SLCO5A1: variants seen among roughly 807,000 people sequenced by gnomAD.
The protein encoded by SLCO5A1 is solute carrier organic anion transporter family member 5A1, also known as organic anion transporter polypeptide-related protein 4.
A neutral mutation model predicts 65.1 loss-of-function variants in SLCO5A1; 39 were observed. The observed-to-expected ratio is 0.60, with a 90% CI of 0.46 to 0.78. The LOEUF is 0.78. Ranked by LOEUF, SLCO5A1 falls within the 30% of genes least tolerant of loss-of-function variation. The pLI is 0.00. For synonymous variants in SLCO5A1, 438 were observed against 415.7 expected (o/e 1.05, Z -0.65); for missense variants, 1,029 against 1,069.4 (o/e 0.96, Z 0.53).
rs1821241955 is a variant in SLCO5A1, at chr8:69,832,983, G to A, written c.-310C>T. The A allele has an allele frequency of 5.3e-6, 2 of 380,556 alleles. No individual in the cohort carries two copies. Among genetic ancestry groups the A allele is most frequent in the South Asian group, 9.2e-5 (2 of 21,856 alleles). 23.6% of individuals were successfully genotyped at this position (380,556 alleles called of 1,614,324 possible). A position where few individuals can be genotyped will look rare whatever the true frequency, so the allele number is the denominator to read the frequency against. On this transcript the variant is annotated 5_prime_UTR_variant, in exon 2 of 10. Coordinates refer to ENST00000260126, the MANE Select transcript of SLCO5A1 (RefSeq NM_030958.3). The surrounding 1 kb of genome is among the most constrained non-coding windows in gnomAD (Gnocchi z 4.5). ...TGAGGCAGGCGCCTCGCGCGTCCCGGGCTCATCCCCTCCGCCGCCGCCGCC... is the reference window on the plus strand; with the variant it reads ...TGAGGCAGGCGCCTCGCGCGTCCCGAGCTCATCCCCTCCGCCGCCGCCGCC...
intron 2 of SLCO5A1, among the ~76,000 whole-genome samples, chr8:69,824,418 G>C (rs1820779928): frequency 6.6e-6 from 1 of 152,068 alleles, no homozygotes; most frequent in South Asian, 2.1e-4. Flanking sequence ...GAATCAAATA[G>C]ATGCAATAAA....
rs766131123 is a variant in SLCO5A1, at chr8:69,682,164, A to C, written c.1782+20T>G. ...CAGGATGTTGGACTAACAGAAGAGGAACTTGTGAAATATACTCACCCCAGT... is the reference window on the plus strand; with the variant it reads ...CAGGATGTTGGACTAACAGAAGAGGCACTTGTGAAATATACTCACCCCAGT... On this transcript the variant is annotated intron_variant, in intron 7 of 9. Coordinates refer to ENST00000260126, the MANE Select transcript of SLCO5A1 (RefSeq NM_030958.3). 1.3e-6 allele frequency: 2 copies of C among 1,594,902 alleles called. No homozygotes were observed. Among genetic ancestry groups the C allele is most frequent in the Admixed American group, 1.8e-5 (1 of 56,150 alleles).
At chr8:69,826,193 G>T (rs1563378357) in intron 2 of SLCO5A1, among the ~76,000 whole-genome samples, 2 of 151,934 alleles carry the variant, frequency 1.3e-5, no homozygotes. Context: ...GAAAACCTAG[G>T]CATTACCATT....
chr8:69,766,416 G>T (rs1211347197), intron 2 of SLCO5A1, among the ~76,000 whole-genome samples: 1 of 152,016 alleles, frequency 6.6e-6, no homozygotes, highest in African/African-American at 2.4e-5. Context: ...TGTTCCCTAG[G>T]CTCCAGTCAT....
intron 2 of SLCO5A1, 65 bp from the exon 3 acceptor site, chr8:69,761,940 A>G: frequency 6.4e-7 from 1 of 1,574,108 alleles, no homozygotes; most frequent in Non-Finnish European, 8.6e-7. Context: ...GAGTTCTCTC[A>G]TTTCACTCTC....
intron 2 of SLCO5A1, among the ~76,000 whole-genome samples, chr8:69,823,299 A>T (rs1170948206): frequency 6.6e-5 from 10 of 152,150 alleles, no homozygotes; most frequent in Admixed American, 1.3e-4. Context: ...AATGGACTAA[A>T]TGCTCCAATT....
intron 5 of SLCO5A1, among the ~76,000 whole-genome samples, chr8:69,724,460 T>C (rs1217495597): frequency 6.6e-6 from 1 of 152,214 alleles, no homozygotes; most frequent in Admixed American, 6.5e-5. Context: ...TTCAGTACGA[T>C]GACTTGAAAA....
chr8:69,668,824 C>G lies in SLCO5A1; in HGVS notation c.*4045G>C, dbSNP rs1184822052. 2.6e-5 allele frequency: 4 copies of G among 152,054 alleles called. No individual in the cohort carries two copies. Among genetic ancestry groups the G allele is most frequent in the Non-Finnish European group, 5.9e-5 (4 of 68,006 alleles). The allele number at this position is 152,054 out of a possible 1,614,324, so 9.4% of individuals were successfully genotyped here. On this transcript the variant is annotated 3_prime_UTR_variant, in exon 10 of 10. Coordinates refer to ENST00000260126, the MANE Select transcript of SLCO5A1 (RefSeq NM_030958.3). ...CCCCCTTCTCTGAAGGCTGACATTTCCAAGTGCATGCCACTAAAGGTAACA... is the reference window on the plus strand; with the variant it reads ...CCCCCTTCTCTGAAGGCTGACATTTGCAAGTGCATGCCACTAAAGGTAACA...
rs1586847932 is a variant in SLCO5A1 at position 69,831,893 on chromosome 8, A to C, written c.781T>G (p.Trp261Gly). The change falls in exon 2 of 10, where the codon TGG (tryptophan) becomes GGG (glycine). Residue 261 changes from tryptophan (W) to glycine (G), a missense_variant. By Grantham distance (184) the Trp-to-Gly change is radical. Around this residue, in one of 3 missense-constraint regions of SLCO5A1, gnomAD observed 647 missense variants for 647.5 expected, o/e 1.00. Transcript: ENST00000260126. ...CPKDSGGNNHWVYVALFICAQ... is the reference protein window; with the variant it reads ...CPKDSGGNNHGVYVALFICAQ... ...CAAATGAATAAAGCCACGTAGACCCAGTGATTATTTCCTCCCGAGTCCTTC... is the reference window on the plus strand; with the variant it reads ...CAAATGAATAAAGCCACGTAGACCCCGTGATTATTTCCTCCCGAGTCCTTC... 2 of 1,610,788 alleles carry C rather than the reference A, an allele frequency of 1.2e-6. No individual in the cohort carries two copies. The highest frequency in any genetic ancestry group is 2.2e-5 in the East Asian group (1 of 44,858).
At chr8:69,753,145 C>T (rs1451244839) in intron 4 of SLCO5A1, among the ~76,000 whole-genome samples, 5 of 152,152 alleles carry the variant, frequency 3.3e-5, no homozygotes, top group African/African-American at 1.2e-4. Context: ...CAAGAGTTCG[C>T]ATCTAAGTAA....
intron 4 of SLCO5A1, among the ~76,000 whole-genome samples, chr8:69,751,828 T>TA (rs1367370906): frequency 6.6e-6 from 1 of 152,218 alleles, no homozygotes; most frequent in Non-Finnish European, 1.5e-5. Flanking sequence ...ATTACAGGCA[T>TA]AAGCCACTGC....
intron 6 of SLCO5A1, among the ~76,000 whole-genome samples, chr8:69,686,231 C>CAAAAAAAAAAAAAAAAAA (rs3060023): frequency 4.9e-5 from 7 of 141,722 alleles, no homozygotes; most frequent in African/African-American, 1.9e-4. Context: ...CTTCACACAG[C>CAAAAAAAAAAAAAAAAAA]AAAAAAAAGA....
intron 5 of SLCO5A1, among the ~76,000 whole-genome samples, chr8:69,728,590 A>G (rs1816194979): frequency 6.6e-6 from 1 of 152,222 alleles, no homozygotes; most frequent in Admixed American, 6.5e-5. Flanking sequence ...AACAAACTAC[A>G]AAAGTCTAAA....
chr8:69,705,122 T>A lies in SLCO5A1; in HGVS notation c.1531A>T (p.Ser511Cys), dbSNP rs1814911333. 2 of 1,614,200 alleles carry A rather than the reference T, an allele frequency of 1.2e-6. No homozygotes were observed. The highest frequency in any genetic ancestry group is 1.7e-6 in the Non-Finnish European group (2 of 1,180,024). Residue 511 changes from serine (S) to cysteine (C), a missense_variant, in exon 6 of 10, where the codon AGT (serine) becomes TGT (cysteine). By Grantham distance (112) the Ser-to-Cys change is moderately radical. This residue lies in a region of SLCO5A1 where 647 missense variants were observed against 647.5 expected (regional missense o/e 1.00). Transcript: ENST00000260126. Reference sequence around the variant, plus strand: ...GAAAAACATAGTAAAGACACACCACTGCAGATCATTGCTAGTTTTGCAGAT... The same window carrying A: ...GAAAAACATAGTAAAGACACACCACAGCAGATCATTGCTAGTTTTGCAGAT... ...RESAKLAMIC[S>C]GVSLLCFSTL...
At position 69,761,776 on chromosome 8, in the gene SLCO5A1, A is replaced by G; in HGVS notation, c.1007T>C (p.Leu336Pro). Residue 336 changes from leucine to proline, a missense_variant, in exon 3 of 10, where the codon CTT becomes CCT. By Grantham distance (98) the Leu-to-Pro change is moderately conservative (BLOSUM62 -3). Around this residue, in one of 3 missense-constraint regions of SLCO5A1, gnomAD observed 647 missense variants for 647.5 expected, o/e 1.00. Transcript: ENST00000260126. The part of the protein sequence containing the change: ...FYVDPRNPVH[L>P]DQNDPRFIGN... ...AATGAAACGAGGGTCATTCTGGTCA[A>G]GGTGAACAGGATTTCTGGGATCAAC... 1 of 1,614,016 alleles carries G rather than the reference A, an allele frequency of 6.2e-7. No homozygotes were observed. The highest frequency in any genetic ancestry group is 8.5e-7 in the Non-Finnish European group (1 of 1,179,980).
Position 69,755,520 on chromosome 8 carries a change from C to A in SLCO5A1, c.1162G>T (p.Ala388Ser). 2 of 1,614,114 alleles carry A rather than the reference C, an allele frequency of 1.2e-6. No homozygotes were observed. Among genetic ancestry groups the A allele is most frequent in the Non-Finnish European group, 1.7e-6 (2 of 1,179,978 alleles). ...KKKKKKFSVD[A>S]VSDDDVLKEK... Reference sequence around the variant, plus strand: ...TTCAGAACATCGTCATCACTAACAGCATCAACAGAAAATTTTTTCTTTTTC... The same window carrying A: ...TTCAGAACATCGTCATCACTAACAGAATCAACAGAAAATTTTTTCTTTTTC... Residue 388 changes from alanine (A) to serine (S), a missense_variant, in exon 4 of 10, where the codon GCT (alanine) becomes TCT (serine). Physicochemically the swap from Ala to Ser is moderately conservative, Grantham distance 99. This residue lies in a region of SLCO5A1 where 647 missense variants were observed against 647.5 expected (regional missense o/e 1.00). Coordinates refer to ENST00000260126, the MANE Select transcript of SLCO5A1 (RefSeq NM_030958.3).
At chr8:69,802,942 G>A (rs1819815120) in intron 2 of SLCO5A1, among the ~76,000 whole-genome samples, 1 of 152,214 alleles carries the variant, frequency 6.6e-6, no homozygotes, top group South Asian at 2.1e-4. Flanking sequence ...CCACAGCACT[G>A]TCTGAGAACA....
intron 4 of SLCO5A1, among the ~76,000 whole-genome samples, chr8:69,739,119 T>C (rs1314585917): frequency 6.6e-6 from 1 of 152,218 alleles, no homozygotes; most frequent in Non-Finnish European, 1.5e-5. Context: ...TTTGTATTAA[T>C]GTGTAAAGCA....
At chr8:69,730,115 C>A (rs1816265188) in intron 5 of SLCO5A1, among the ~76,000 whole-genome samples, 1 of 152,194 alleles carries the variant, frequency 6.6e-6, no homozygotes, top group Admixed American at 6.5e-5. Flanking sequence ...TCACATTTTA[C>A]AAATGAGAAA....
Sources: gnomAD v4.1 joint callset for allele counts (sites outside exome capture counted in the v4.1 genomes callset) on GRCh38, gnomAD v4.1.1 for gene constraint, gnomAD v4.1.1 regional missense constraint, Gnocchi (gnomAD v3.1) non-coding constraint, MANE v1.5 for transcripts, NCBI Gene and HGNC (gene_info 2026-07-23, HGNC 2026-07-21) for gene names.